Variants in EFHB observed in about 807,000 individuals in gnomAD.
The protein encoded by EFHB is EF-hand domain-containing family member B.
EFHB carries 91 observed loss-of-function variants against 87.2 expected under a neutral mutation model. The observed-to-expected ratio is 1.04, with a 90% CI of 0.88 to 1.24. The LOEUF is 1.24. Ranked by LOEUF, EFHB falls within the 50% of genes most tolerant of loss-of-function variation. The probability of loss-of-function intolerance (pLI) is 0.00; values close to 1 mark genes in which losing one functional copy is unlikely to be tolerated. For synonymous variants in EFHB, 325 were observed against 333.6 expected, an observed-to-expected ratio of 0.97 and a Z score of 0.28; for missense variants, 1,084 against 998.8, an observed-to-expected ratio of 1.09 and a Z score of -1.15.
chr3:19,939,432 T>C lies in EFHB; in HGVS notation c.-31-3098A>G, dbSNP rs866009824. Reference sequence around the variant, plus strand: ...GAGTCTCACTCTGTCGCGCCCAGGCTGGAGTGCAGTGGCGCGATCTTGGCT... The same window carrying C: ...GAGTCTCACTCTGTCGCGCCCAGGCCGGAGTGCAGTGGCGCGATCTTGGCT... On this transcript the variant is annotated intron_variant, in intron 1 of 14. Transcript: ENST00000344838. Among the ~76,000 whole-genome samples, 4 of 125,186 alleles carry C rather than the reference T, an allele frequency of 3.2e-5. No homozygotes were observed. In the South Asian group the frequency reaches 8.5e-4, roughly 27 times the overall value. The allele number at this position is 125,186 out of a possible 152,430, so 82.1% of individuals were successfully genotyped here.
chr3:19,910,385 G>A (rs1160799423), intron 5 of EFHB, among the ~76,000 whole-genome samples: 1 of 152,104 alleles, frequency 6.6e-6, no homozygotes, highest in Non-Finnish European at 1.5e-5. Flanking sequence ...GGGGAGGGAA[G>A]AGTGGGAAAG....
intron 1 of EFHB, among the ~76,000 whole-genome samples, chr3:19,925,289 A>C (rs1048998463): frequency 2.6e-5 from 4 of 151,942 alleles, no homozygotes; most frequent in Admixed American, 6.6e-5. Context: ...GAATAGACAA[A>C]CACCCCCGCA....
intron 1 of EFHB, among the ~76,000 whole-genome samples, chr3:19,943,736 T>C (rs1029629952): frequency 2.6e-5 from 4 of 152,130 alleles, no homozygotes; most frequent in Non-Finnish European, 4.4e-5. Context: ...GGTACCCATA[T>C]GGTGGGGGAA....
At chr3:19,895,570 T>C (rs569289311) in intron 9 of EFHB, among the ~76,000 whole-genome samples, 1 of 152,186 alleles carries the variant, frequency 6.6e-6, no homozygotes, top group Admixed American at 6.5e-5. Context: ...ACATTTAAAA[T>C]GAAGAATTCT....
intron 5 of EFHB, 74 bp downstream of exon 5, chr3:19,915,229 A>C: frequency 1.1e-6 from 1 of 888,880 alleles, no homozygotes; most frequent in Admixed American, 2.5e-5. Context: ...TTTATGTACC[A>C]ATTTCCTTTA....
intron 6 of EFHB, among the ~76,000 whole-genome samples, chr3:19,900,802 G>T (rs1407048020): frequency 6.6e-6 from 1 of 151,874 alleles, no homozygotes; most frequent in South Asian, 2.1e-4. Flanking sequence ...GGTGGAACAC[G>T]CCTGTAATCC....
At chr3:19,884,312 T>A in intron 11 of EFHB, 91 bp downstream of exon 11, 2 of 1,236,892 alleles carry the variant, frequency 1.6e-6, no homozygotes, top group Non-Finnish European at 2.2e-6. Flanking sequence ...TTTGGGAAAC[T>A]TAATCTAACG....
chr3:19,933,728 T>A lies in EFHB; in HGVS notation c.291A>T (p.Ser97=), dbSNP rs201477833. 6.2e-7 allele frequency: 1 copy of A among 1,613,966 alleles called. No individual in the cohort carries two copies. The highest frequency in any genetic ancestry group is 8.5e-7 in the Non-Finnish European group (1 of 1,179,858). The change falls in exon 1 of 13, where the codon TCA becomes TCT. Residue 97 remains serine, a synonymous_variant. Transcript: ENST00000295824. ...GSLGVDSVSA[S]QGTKPSLLPG... ...GCAACAGAGAAGGTTTTGTTCCCTG[T>A]GAAGCTGAGACACTGTCGACTCCTA...
rs144130084 is a variant in EFHB at position 19,913,942 on chromosome 3, C to T, written c.1288+1361G>A. ...GAACATACACTGAGGAAAAGAGAGT[C>T]TCTTCAATAAATGGTGCTGGGAAAA... On this transcript the variant is annotated intron_variant, in intron 5 of 12. Transcript: ENST00000295824. 6.6e-4 allele frequency among the ~76,000 whole-genome samples: 101 copies of T among 152,246 alleles called. 3 individuals are homozygous for T. In the East Asian group the frequency reaches 0.018, roughly 27 times the overall value.
upstream of EFHB, among the ~76,000 whole-genome samples, chr3:19,938,223 T>C (rs1260689692): frequency 6.6e-6 from 1 of 152,224 alleles, no homozygotes; most frequent in Non-Finnish European, 1.5e-5. Flanking sequence ...GGCAACTTTC[T>C]GAGATTACGG....
intron 4 of EFHB, 125 bp downstream of exon 4, chr3:19,918,107 T>A (rs1695296522): frequency 1.9e-6 from 2 of 1,065,124 alleles, no homozygotes; most frequent in Non-Finnish European, 2.6e-6. Flanking sequence ...AACAATCCCA[T>A]CTTTCCTTCT....
chr3:19,922,436 T>C (rs1415847369), intron 1 of EFHB, among the ~76,000 whole-genome samples: 2 of 152,220 alleles, frequency 1.3e-5, no homozygotes, highest in Admixed American at 1.3e-4. Context: ...TGCCAAACTG[T>C]GGATGTGTTT....
chr3:19,895,052 A>G (rs928722297), intron 9 of EFHB: 3 of 147,672 alleles, frequency 2.0e-5, no homozygotes. Flanking sequence ...TCTATATATT[A>G]TAAATAATAT....
At chr3:19,918,676 A>G (rs577572991) in intron 3 of EFHB, among the ~76,000 whole-genome samples, 4 of 152,248 alleles carry the variant, frequency 2.6e-5, no homozygotes, top group African/African-American at 9.6e-5. Context: ...CTTGACTCAA[A>G]TATTTAAGAA....
rs574866542 is a variant in EFHB at position 19,941,949 on chromosome 3, G to A, written c.-32+4970C>T. On this transcript the variant is annotated intron_variant, in intron 1 of 14. Coordinates refer to the EFHB transcript ENST00000344838. ...GGGGGCAGATCACCTGAAGTCAGGT[G>A]TTTGAGACCAGCCTGGCCAACATGG... 4.6e-5 allele frequency among the ~76,000 whole-genome samples: 7 copies of A among 151,784 alleles called. No individual in the cohort carries two copies. The South Asian group carries it at 1.0e-3, about 23-fold the overall frequency.
Position 19,899,450 on chromosome 3 carries a change from A to C in EFHB, c.1484T>G (p.Leu495Arg), listed in dbSNP as rs1694595279. Residue 495 changes from leucine (L) to arginine (R), a missense_variant, in exon 7 of 13, where the codon CTT (leucine) becomes CGT (arginine). Leu to Arg is a moderately radical substitution (Grantham distance 102). Transcript: ENST00000295824. ...AACTTACGGATCTAAAACTCTTCCA[A>C]GTTTATGTTGAAACTTTTCTTTGAA... is the stretch of plus-strand genomic sequence containing the variant. ...DDFKEKFQHK[L>R]GRVLDPIAET... 2.5e-6 allele frequency: 4 copies of C among 1,602,402 alleles called. No individual in the cohort carries two copies. Among genetic ancestry groups the C allele is most frequent in the Non-Finnish European group, 3.4e-6 (4 of 1,176,252 alleles).
intron 1 of EFHB, among the ~76,000 whole-genome samples, chr3:19,925,716 G>A (rs1695600838): frequency 6.6e-6 from 1 of 152,074 alleles, no homozygotes; most frequent in African/African-American, 2.4e-5. Context: ...TCATACAAGT[G>A]AGTCCCAAGA....
chr3:19,879,685 A>G lies in EFHB; in HGVS notation c.2448T>C (p.Asn816=), dbSNP rs749338459. 1.9e-6 allele frequency: 3 copies of G among 1,608,870 alleles called. No individual in the cohort carries two copies. Among genetic ancestry groups the G allele is most frequent in the South Asian group, 1.1e-5 (1 of 89,892 alleles). The change falls in exon 13 of 13, where the codon AAT becomes AAC. Residue 816 remains asparagine, a synonymous_variant. Coordinates refer to ENST00000295824, the MANE Select transcript of EFHB (RefSeq NM_144715.4). ...CTGCATGCCGTAGCTCATCTAGAAC[A>G]TTTCTGATGTTCTCAACACAAACTT... The part of the protein sequence containing the change: ...RGEVCVENIR[N]VLDELRHADR...
Position 19,919,664 on chromosome 3 carries a change from C to CT in EFHB, c.996+168dup, listed in dbSNP as rs140059693. Among the ~76,000 whole-genome samples the CT allele has an allele frequency of 2.1e-3, 320 of 151,974 alleles. 2 individuals carry two copies. The highest frequency in any genetic ancestry group is 0.01 in the Middle Eastern group (3 of 294). ...CACTGTCTTGGCTGCTGCTGCTTGG[C>CT]TTTTTTTTACTGCTCAAGATAAATG... On this transcript the variant is annotated intron_variant, in intron 3 of 12. Coordinates refer to ENST00000295824, the MANE Select transcript of EFHB (RefSeq NM_144715.4).
Sources: allele counts gnomAD v4.1 joint callset (sites outside exome capture counted in the v4.1 genomes callset), GRCh38; gene constraint gnomAD v4.1.1; transcripts MANE v1.5; gene names NCBI Gene and HGNC (gene_info 2026-07-23, HGNC 2026-07-21).